Variants in TMEM132D observed in about 807,000 individuals in gnomAD.
TMEM132D encodes transmembrane protein 132D.
TMEM132D carries 21 observed loss-of-function variants against 62.3 expected under a neutral mutation model. The ratio of observed to expected loss-of-function variants is 0.34; its 90% confidence interval spans 0.24 to 0.49. The LOEUF (loss-of-function observed/expected upper bound fraction) is 0.49. TMEM132D is among the 20% of genes least tolerant of loss of function. The probability of loss-of-function intolerance (pLI) is 0.99; values close to 1 mark genes in which losing one functional copy is unlikely to be tolerated. For missense variants in TMEM132D, 1,346 were observed against 1,402.8 expected, an observed-to-expected ratio of 0.96 and a Z score of 0.65; for synonymous variants, 621 against 575.6, an observed-to-expected ratio of 1.08 and a Z score of -1.13.
At chr12:129,893,511 T>C (rs1472874549) in intron 1 of TMEM132D, among the ~76,000 whole-genome samples, 1 of 151,342 alleles carries the variant, frequency 6.6e-6, no homozygotes. Context: ...CATCCTTCTT[T>C]CAAAAGACAG....
At chr12:129,618,094 T>C (rs570228460) in intron 2 of TMEM132D, among the ~76,000 whole-genome samples, 2 of 152,318 alleles carry the variant, frequency 1.3e-5, no homozygotes, top group African/African-American at 4.8e-5. Flanking sequence ...CTAGGGAGCC[T>C]GCTAAACACA....
chr12:129,452,184 G>A (rs1873311734), intron 3 of TMEM132D, among the ~76,000 whole-genome samples: 1 of 152,212 alleles, frequency 6.6e-6, no homozygotes, highest in Non-Finnish European at 1.5e-5. Context: ...TGAAGAGAAT[G>A]ATTGGATTTT....
chr12:129,089,319 C>CG (rs1424725558), intron 5 of TMEM132D, among the ~76,000 whole-genome samples: 1 of 47,370 alleles, frequency 2.1e-5, no homozygotes, highest in African/African-American at 1.7e-4. Flanking sequence ...CCTCCATGAC[C>CG]GGGTGTCCTC....
chr12:129,380,342 A>C (rs183788533), intron 3 of TMEM132D, among the ~76,000 whole-genome samples: 1 of 152,344 alleles, frequency 6.6e-6, no homozygotes, highest in Non-Finnish European at 1.5e-5. Flanking sequence ...CTCCACTTTC[A>C]TCATATTGAT....
chr12:129,678,693 T>C (rs1027275907), intron 2 of TMEM132D, among the ~76,000 whole-genome samples: 5 of 152,112 alleles, frequency 3.3e-5, no homozygotes, highest in Non-Finnish European at 7.4e-5. Context: ...ATTAAGAAAG[T>C]CTAAATCCTT....
intron 2 of TMEM132D, among the ~76,000 whole-genome samples, chr12:129,666,938 C>T (rs1880391176): frequency 1.3e-5 from 2 of 152,062 alleles, no homozygotes; most frequent in Non-Finnish European, 2.9e-5. Flanking sequence ...ATTTTCTTAA[C>T]TTAGAGTAAC....
rs986545957 is a variant in TMEM132D at position 129,149,607 on chromosome 12, A to G, written c.1443+59913T>C. Among the ~76,000 whole-genome samples the G allele has an allele frequency of 2.0e-5, 3 of 152,190 alleles. 1 individual carries two copies. In the East Asian group the frequency reaches 5.8e-4, roughly 29 times the overall value. On this transcript the variant is annotated intron_variant, in intron 5 of 8. Coordinates refer to ENST00000422113, the MANE Select transcript of TMEM132D (RefSeq NM_133448.3). ...CCTCTCAGGGCACTGGGGACCGTGT[A>G]GATTTGCTGACTTTGATAATAAAAC... is the stretch of plus-strand genomic sequence containing the variant.
rs922103759 is a variant in TMEM132D, at chr12:129,654,285, TGTGTGTGTGTGA to T, written c.968+45513_968+45524del. On this transcript the variant is annotated intron_variant, in intron 2 of 8. Transcript: ENST00000422113. ...TCTCTCTCTCTCACTCTCTCGTGTGTGTGTGTGTGTGAGTGTGTGTGTGTGTGTGTGTGTTCT... is the reference window on the plus strand; with the variant it reads ...TCTCTCTCTCTCACTCTCTCGTGTGTGTGTGTGTGTGTGTGTGTGTGTTCT... Among the ~76,000 whole-genome samples the T allele has an allele frequency of 1.8e-4, 12 of 68,374 alleles. No individual in the cohort carries two copies. In the South Asian group the frequency reaches 8.6e-3, roughly 49 times the overall value. 44.9% of individuals were successfully genotyped at this position (68,374 alleles called of 152,430 possible).
In TMEM132D at chr12:129,126,638, T is replaced by C. The variant is rs76171240; in HGVS notation, c.1444-41936A>G. Among the ~76,000 whole-genome samples the C allele has an allele frequency of 5.1e-3, 784 of 152,274 alleles. 27 individuals are homozygous for C. Among genetic ancestry groups the C allele is most frequent in the East Asian group, 0.035 (179 of 5,182 alleles). On this transcript the variant is annotated intron_variant, in intron 5 of 8. Transcript: ENST00000422113. ...AATGGTATGGGAATAAACAGTAACA[T>C]ACATACGCGTTTGGCAGGGGCTTAT...
At chr12:129,077,896 A>T (rs796889424) in intron 8 of TMEM132D, among the ~76,000 whole-genome samples, 31 of 152,108 alleles carry the variant, frequency 2.0e-4, no homozygotes, top group African/African-American at 7.2e-4. Context: ...CAAAAACAAC[A>T]TATATGTACA....
chr12:129,243,388 C>A (rs537403998), intron 4 of TMEM132D, among the ~76,000 whole-genome samples: 1 of 152,084 alleles, frequency 6.6e-6, no homozygotes, highest in African/African-American at 2.4e-5. Flanking sequence ...TACTATACTG[C>A]AATTGCAGGG....
chr12:129,352,231 C>A (rs529227001), intron 3 of TMEM132D, among the ~76,000 whole-genome samples: 3 of 152,284 alleles, frequency 2.0e-5, no homozygotes, highest in Admixed American at 6.5e-5. Context: ...ATCTTGAGAA[C>A]AAAGACATTC....
At chr12:129,094,765 A>C (rs999168792) in intron 5 of TMEM132D, among the ~76,000 whole-genome samples, 3 of 152,200 alleles carry the variant, frequency 2.0e-5, no homozygotes, top group African/African-American at 7.2e-5. Flanking sequence ...CACAATAGCA[A>C]AGACTTGGAA....
intron 1 of TMEM132D, among the ~76,000 whole-genome samples, chr12:129,747,206 A>ACCG (rs1869820921): frequency 8.0e-6 from 1 of 125,358 alleles, no homozygotes; most frequent in African/African-American, 3.4e-5. Context: ...TCTCCTTCTT[A>ACCG]CTCCTCCTTC....
Position 129,819,979 on chromosome 12 carries a change from C to T in TMEM132D, c.79+83282G>A, listed in dbSNP as rs571081993. 2.6e-5 allele frequency among the ~76,000 whole-genome samples: 4 copies of T among 152,184 alleles called. No individual in the cohort carries two copies. In the East Asian group the frequency reaches 7.8e-4, roughly 30 times the overall value. Reference sequence around the variant, plus strand: ...ACCGTGGACATGACTGCTCTCAAGACGTTTGTTCATGGCAGCTGAGGTTTC... The same window carrying T: ...ACCGTGGACATGACTGCTCTCAAGATGTTTGTTCATGGCAGCTGAGGTTTC... On this transcript the variant is annotated intron_variant, in intron 1 of 8. Coordinates refer to ENST00000422113, the MANE Select transcript of TMEM132D (RefSeq NM_133448.3).
chr12:129,697,722 G>C (rs936940816), intron 2 of TMEM132D, among the ~76,000 whole-genome samples: 1 of 152,168 alleles, frequency 6.6e-6, no homozygotes, highest in African/African-American at 2.4e-5. Context: ...ATTTGCTTGT[G>C]AATTTGCCAA....
intron 1 of TMEM132D, among the ~76,000 whole-genome samples, chr12:129,864,419 G>T (rs1873994500): frequency 6.6e-6 from 1 of 152,116 alleles, no homozygotes; most frequent in Non-Finnish European, 1.5e-5. Context: ...CAGAGTTTTG[G>T]GGTAGTCTGT....
At chr12:129,288,313 G>A (rs866912626) in intron 4 of TMEM132D, among the ~76,000 whole-genome samples, 9 of 152,258 alleles carry the variant, frequency 5.9e-5, no homozygotes, top group Middle Eastern at 6.8e-3. Context: ...TCTATGAAAC[G>A]GGAAAATATT....
chr12:129,887,018 T>C (rs766071291), intron 1 of TMEM132D, among the ~76,000 whole-genome samples: 4 of 152,210 alleles, frequency 2.6e-5, no homozygotes, highest in Non-Finnish European at 5.9e-5. Context: ...CTTTATAAAT[T>C]ACCCAGTCTC....
Sources: allele counts gnomAD v4.1 joint callset (sites outside exome capture counted in the v4.1 genomes callset), GRCh38; gene constraint gnomAD v4.1.1; transcripts MANE v1.5; gene names NCBI Gene and HGNC (gene_info 2026-07-23, HGNC 2026-07-21).